KCNQ5: variants seen among roughly 807,000 people sequenced by gnomAD.
KCNQ5 encodes the protein potassium voltage-gated channel subfamily Q member 5.
A neutral mutation model predicts 98.2 loss-of-function variants in KCNQ5; 30 were observed. That is an observed-to-expected ratio of 0.31 (90% CI 0.23 to 0.41). The LOEUF is 0.41. Among genes scored for constraint, KCNQ5 ranks in the 10% least tolerant of loss-of-function variants. The pLI, the probability that KCNQ5 is intolerant of heterozygous loss-of-function variation, is 1.00. For missense variants in KCNQ5, 835 were observed against 1,182.5 expected, an observed-to-expected ratio of 0.71 and a Z score of 4.31; for synonymous variants, 458 against 449.4, an observed-to-expected ratio of 1.02 and a Z score of -0.24.
At chr6:72,675,061 A>C (rs1220509530) in intron 1 of KCNQ5, among the ~76,000 whole-genome samples, 1 of 152,230 alleles carries the variant, frequency 6.6e-6, no homozygotes, top group Non-Finnish European at 1.5e-5. Context: ...ACTGTAGTTC[A>C]GTCTTTAAAA....
chr6:73,057,156 G>A (rs1462765144), intron 3 of KCNQ5, among the ~76,000 whole-genome samples: 5 of 152,092 alleles, frequency 3.3e-5, no homozygotes, highest in Non-Finnish European at 5.9e-5. Flanking sequence ...CCATAAAAAA[G>A]GATGAGTTCA....
At chr6:73,070,919 A>G (rs1773275861) in intron 3 of KCNQ5, among the ~76,000 whole-genome samples, 1 of 152,216 alleles carries the variant, frequency 6.6e-6, no homozygotes, top group Admixed American at 6.5e-5. Context: ...AATAGTAAAC[A>G]TAAATTCATT....
At position 72,961,036 on chromosome 6, in the gene KCNQ5, G is replaced by A. The variant is rs576242285; in HGVS notation, c.399-42872G>A. Among the ~76,000 whole-genome samples the A allele has an allele frequency of 6.8e-4, 103 of 152,328 alleles. 2 individuals are homozygous for A. In the South Asian group the frequency reaches 0.021, roughly 32 times the overall value. On this transcript the variant is annotated intron_variant, in intron 1 of 13. Transcript: ENST00000370398. ...GCCTGTAGTTTCCACTAGTGAGCCT[G>A]AGGTAGAAGGATAGCTTGAGCCCAG...
In KCNQ5 at chr6:72,801,185, A is replaced by G. The variant is rs59656399; in HGVS notation, c.398+178598A>G. On this transcript the variant is annotated intron_variant, in intron 1 of 13. Transcript: ENST00000370398. Reference sequence around the variant, plus strand: ...AGTTCAATTCCTGGGTATCCTTGTTAACTTTCTGTCTCGTTGATCTGTCTA... The same window carrying G: ...AGTTCAATTCCTGGGTATCCTTGTTGACTTTCTGTCTCGTTGATCTGTCTA... 3.2e-3 allele frequency among the ~76,000 whole-genome samples: 482 copies of G among 150,146 alleles called. 1 individual carries two copies. Among genetic ancestry groups the G allele is most frequent in the African/African-American group, 0.011 (444 of 40,896 alleles).
chr6:73,043,098 T>C (rs3798463), intron 3 of KCNQ5: 12,590 of 418,528 alleles, frequency 0.03, 647 homozygotes, highest in East Asian at 0.25. Context: ...ATCTTCTCAG[T>C]TTCCTCCCTT....
In KCNQ5 at chr6:72,816,788, C is replaced by A. The variant is rs940431322; in HGVS notation, c.399-187120C>A. 6.6e-5 allele frequency among the ~76,000 whole-genome samples: 10 copies of A among 152,180 alleles called. 1 individual carries two copies. Among genetic ancestry groups the A allele is most frequent in the African/African-American group, 2.4e-4 (10 of 41,430 alleles). On this transcript the variant is annotated intron_variant, in intron 1 of 13. Coordinates refer to ENST00000370398, the MANE Select transcript of KCNQ5 (RefSeq NM_019842.4). Reference sequence around the variant, plus strand: ...GAATTAATTACCTTATCTCTTTATTCATTGTCTTTCCATTCCCATTGTCTT... The same window carrying A: ...GAATTAATTACCTTATCTCTTTATTAATTGTCTTTCCATTCCCATTGTCTT...
intron 1 of KCNQ5, among the ~76,000 whole-genome samples, chr6:72,883,066 T>C (rs1424542486): frequency 6.6e-6 from 1 of 152,230 alleles, no homozygotes; most frequent in East Asian, 1.9e-4. Flanking sequence ...AGCCCACTCT[T>C]CTGTGAGATT....
chr6:73,173,189 T>G (rs907425778), intron 11 of KCNQ5, among the ~76,000 whole-genome samples: 1 of 152,230 alleles, frequency 6.6e-6, no homozygotes, highest in Non-Finnish European at 1.5e-5. Context: ...TAGATTTTTC[T>G]CAAAATATTA....
rs58445745 is a variant in KCNQ5 at position 73,096,360 on chromosome 6, G to T, written c.919-8897G>T. 2.4e-3 allele frequency among the ~76,000 whole-genome samples: 345 copies of T among 141,854 alleles called. 1 individual carries two copies. The highest frequency in any genetic ancestry group is 8.4e-3 in the African/African-American group (323 of 38,340). The allele number at this position is 141,854 out of a possible 152,430, so 93.1% of individuals were successfully genotyped here. On this transcript the variant is annotated intron_variant, in intron 5 of 13. Transcript: ENST00000370398. ...GCAAAAAAAAAAAAAAAAAGAGCTT[G>T]GTGTGCTGATGAATAGCAAGGCAGG...
intron 1 of KCNQ5, among the ~76,000 whole-genome samples, chr6:72,730,758 C>T (rs1770514804): frequency 6.6e-6 from 1 of 151,960 alleles, no homozygotes; most frequent in South Asian, 2.1e-4. Flanking sequence ...TTCTTCATTA[C>T]ACTTTTTTCA....
rs117595731 is a variant in KCNQ5 at position 72,638,825 on chromosome 6, G to A, written c.398+16238G>A. Among the ~76,000 whole-genome samples the A allele has an allele frequency of 9.2e-3, 1,405 of 152,210 alleles. 12 individuals carry two copies. Among genetic ancestry groups the A allele is most frequent in the East Asian group, 0.02 (106 of 5,178 alleles). ...TACAGTAAGCATCTGGTAGTGGAGC[G>A]GCAGTGCAGCATGACAAGGACCTGG... On this transcript the variant is annotated intron_variant, in intron 1 of 13. Coordinates refer to ENST00000370398, the MANE Select transcript of KCNQ5 (RefSeq NM_019842.4).
intron 1 of KCNQ5, among the ~76,000 whole-genome samples, chr6:72,972,358 TTC>T (rs1767942226): frequency 3.0e-5 from 1 of 33,442 alleles, no homozygotes; most frequent in Non-Finnish European, 1.1e-4. Flanking sequence ...ATTGAGCTGC[TTC>T]TTTTTTTTTC....
chr6:72,677,939 G>C (rs1412868207), intron 1 of KCNQ5, among the ~76,000 whole-genome samples: 1 of 152,234 alleles, frequency 6.6e-6, no homozygotes, highest in Non-Finnish European at 1.5e-5. Context: ...TGATACAGCA[G>C]TGTTCAGATA....
At chr6:72,925,899 T>A (rs2150223203) in intron 1 of KCNQ5, among the ~76,000 whole-genome samples, 1 of 152,330 alleles carries the variant, frequency 6.6e-6, no homozygotes, top group East Asian at 1.9e-4. Context: ...ACAAAGGCTT[T>A]GCATTTTATA....
chr6:73,123,695 T>A (rs1405140391), intron 8 of KCNQ5, among the ~76,000 whole-genome samples: 1 of 152,210 alleles, frequency 6.6e-6, no homozygotes, highest in African/African-American at 2.4e-5. Flanking sequence ...AAAACACAGG[T>A]AAATATGCTA....
intron 9 of KCNQ5, chr6:73,124,729 G>T (rs539680554): frequency 3.3e-4 from 189 of 573,186 alleles, no homozygotes; most frequent in Non-Finnish European, 5.3e-4. Context: ...TTCAAAATCT[G>T]CAGGGCATGG....
At chr6:73,189,820 T>C (rs758659478) in intron 11 of KCNQ5, among the ~76,000 whole-genome samples, 4 of 152,058 alleles carry the variant, frequency 2.6e-5, no homozygotes, top group Non-Finnish European at 5.9e-5. Context: ...GCAGGAGGCA[T>C]TGTTATAAGA....
chr6:72,714,253 A>T (rs1240424910), intron 1 of KCNQ5, among the ~76,000 whole-genome samples: 1 of 152,158 alleles, frequency 6.6e-6, no homozygotes, highest in East Asian at 1.9e-4. Context: ...ATCAACTGCT[A>T]TGTTTGTAAG....
chr6:73,041,807 C>A, intron 2 of KCNQ5, 129 bp from the exon 3 acceptor site: 3 of 1,004,986 alleles, frequency 3.0e-6, no homozygotes, highest in Non-Finnish European at 4.5e-6. Context: ...AGGAAATGTT[C>A]TTAACTTTAG....
Sources: gnomAD v4.1 joint callset for allele counts (sites outside exome capture counted in the v4.1 genomes callset) on GRCh38, gnomAD v4.1.1 for gene constraint, MANE v1.5 for transcripts, NCBI Gene and HGNC (gene_info 2026-07-23, HGNC 2026-07-21) for gene names.